STMN1: variants seen among roughly 807,000 people sequenced by gnomAD.
STMN1 encodes stathmin.
A neutral mutation model predicts 19.7 loss-of-function variants in STMN1; 3 were observed. The observed-to-expected ratio is 0.15, with a 90% CI of 0.07 to 0.39. The LOEUF (loss-of-function observed/expected upper bound fraction) is 0.39, where lower values mean the gene tolerates loss of function less well. STMN1 is among the 10% of genes least tolerant of loss of function. The pLI is 1.00. For missense variants in STMN1, 99 were observed against 176.0 expected (o/e 0.56, Z 2.48); for synonymous variants, 59 against 58.9 (o/e 1.00, Z -0.01).
chr1:25,895,871 A>G (rs1294678748), downstream of STMN1, among the ~76,000 whole-genome samples: 1 of 152,216 alleles, frequency 6.6e-6, no homozygotes, highest in African/African-American at 2.4e-5. Context: ...ATTTGCTTCT[A>G]GAAAATCGGG....
downstream of STMN1, among the ~76,000 whole-genome samples, chr1:25,896,636 C>A (rs1054477403): frequency 6.6e-6 from 1 of 152,192 alleles, no homozygotes; most frequent in South Asian, 2.1e-4. Context: ...TGAACCAGAG[C>A]CCTTCCATGA....
At chr1:25,905,094 G>T (rs1039579870) in intron 1 of STMN1, 3 of 181,060 alleles carry the variant, frequency 1.7e-5, no homozygotes, top group African/African-American at 2.4e-5. Flanking sequence ...CAGTGCCCCC[G>T]GAGCCATCTT....
intron 4 of STMN1, among the ~76,000 whole-genome samples, chr1:25,894,850 G>C (rs1436322993): frequency 2.0e-5 from 3 of 152,082 alleles, no homozygotes; most frequent in Non-Finnish European, 4.4e-5. Context: ...GGGATTACAG[G>C]TGTGTACCAC....
intron 3 of STMN1, chr1:25,903,366 T>A: frequency 2.9e-6 from 1 of 347,762 alleles, no homozygotes; most frequent in Non-Finnish European, 5.3e-6. Flanking sequence ...CACTTACTAG[T>A]TGTATGACTG....
At position 25,900,311 on chromosome 1, in the gene STMN1, AC is replaced by A; in HGVS notation, c.*704del. 3 of 985,896 alleles carry A rather than the reference AC, an allele frequency of 3.0e-6. No individual in the cohort carries two copies. The highest frequency in any genetic ancestry group is 3.6e-6 in the Non-Finnish European group (3 of 829,942). 61.1% of individuals were successfully genotyped at this position (985,896 alleles called of 1,614,324 possible). ...ATCTGCCTTTTAAAAGGGACACAGA[AC>A]AAAAAATGGTTGTTTGCAAATAAAC... On this transcript the variant is annotated 3_prime_UTR_variant, in exon 5 of 5. Transcript: ENST00000455785.
At chr1:25,897,317 AAAAAAAAAAG>A (rs1384868465), downstream of STMN1, among the ~76,000 whole-genome samples, 1 of 139,034 alleles carries the variant, frequency 7.2e-6, no homozygotes, top group African/African-American at 2.5e-5. Flanking sequence ...TCTCGAAAAA[AAAAAAAAAAG>A]AAAAGAAAAA....
At chr1:25,888,140 T>C (rs1470067271) in intron 4 of STMN1, among the ~76,000 whole-genome samples, 2 of 152,118 alleles carry the variant, frequency 1.3e-5, no homozygotes, top group Non-Finnish European at 2.9e-5. Context: ...TCCTATAACA[T>C]GGGGATAATC....
At position 25,900,612 on chromosome 1, in the gene STMN1, C is replaced by A; in HGVS notation, c.*404G>T. 2.0e-6 allele frequency: 2 copies of A among 991,522 alleles called. No individual in the cohort carries two copies. The highest frequency in any genetic ancestry group is 9.2e-5 in the South Asian group (2 of 21,658). The allele number at this position is 991,522 out of a possible 1,614,324, so 61.4% of individuals were successfully genotyped here. ...ATTAACCATTCAAGTCCAGTAGCAT[C>A]TGGTAAGATTGGGACAGAATTGGGA... On this transcript the variant is annotated 3_prime_UTR_variant, in exon 5 of 5. Transcript: ENST00000455785.
intron 3 of STMN1, chr1:25,903,426 G>C: frequency 1.9e-6 from 1 of 534,684 alleles, no homozygotes; most frequent in South Asian, 2.4e-5. Context: ...TCCATTATTT[G>C]AGGCAACACC....
At chr1:25,904,917 C>A in intron 1 of STMN1, 179 bp from the exon 2 acceptor site, 1 of 439,770 alleles carries the variant, frequency 2.3e-6, no homozygotes, top group South Asian at 4.8e-5. Flanking sequence ...GGAAATATGA[C>A]CTGAATATGA....
exon 5 of STMN1, chr1:25,885,723 C>G: frequency 1.3e-6 from 2 of 1,550,194 alleles, no homozygotes; most frequent in South Asian, 2.4e-5. Flanking sequence ...TATTAAGTAC[C>G]TAGTGATGGT....
At chr1:25,887,411 C>T in intron 4 of STMN1, 2 of 349,138 alleles carry the variant, frequency 5.7e-6, no homozygotes, top group Non-Finnish European at 5.6e-6. Context: ...AACAGGAAAG[C>T]CGGTGATGCT....
Position 25,900,722 on chromosome 1 carries a change from A to C in STMN1, c.*294T>G. Reference sequence around the variant, plus strand: ...TTCACAAATATGTTTTCACAGAGCCAATACAGTACTAGCCATTAACCCAGT... The same window carrying C: ...TTCACAAATATGTTTTCACAGAGCCCATACAGTACTAGCCATTAACCCAGT... On this transcript the variant is annotated 3_prime_UTR_variant, in exon 5 of 5. Coordinates refer to ENST00000455785, the MANE Select transcript of STMN1 (RefSeq NM_005563.4). 8.7e-7 allele frequency: 1 copy of C among 1,155,590 alleles called. No homozygotes were observed. Among genetic ancestry groups the C allele is most frequent in the Non-Finnish European group, 1.1e-6 (1 of 938,370 alleles). The allele number at this position is 1,155,590 out of a possible 1,614,324, so 71.6% of individuals were successfully genotyped here.
At position 25,900,158 on chromosome 1, in the gene STMN1, C is replaced by T. The variant is rs950654036; in HGVS notation, c.*858G>A. On this transcript the variant is annotated 3_prime_UTR_variant, in exon 5 of 5. Coordinates refer to ENST00000455785, the MANE Select transcript of STMN1 (RefSeq NM_005563.4). ...AAAGTTTTATTAATATTCTGATTCT[C>T]GTGTCATAGCTTTTATGGCAGGAAA... is the stretch of plus-strand genomic sequence containing the variant. 13 of 985,686 alleles carry T rather than the reference C, an allele frequency of 1.3e-5. No individual in the cohort carries two copies. Among genetic ancestry groups the T allele is most frequent in the African/African-American group, 8.7e-5 (5 of 57,208 alleles). The allele number at this position is 985,686 out of a possible 1,614,324, so 61.1% of individuals were successfully genotyped here.
chr1:25,889,726 C>A (rs564837868), intron 4 of STMN1, among the ~76,000 whole-genome samples: 1 of 152,178 alleles, frequency 6.6e-6, no homozygotes, highest in Non-Finnish European at 1.5e-5. Context: ...ATCACTCCCC[C>A]CTTAAAGCCC....
downstream of STMN1, among the ~76,000 whole-genome samples, chr1:25,897,601 G>A (rs1572298955): frequency 1.3e-5 from 2 of 152,220 alleles, no homozygotes. Flanking sequence ...AAGGAGGTGG[G>A]AACGGCTGAA....
intron 4 of STMN1, chr1:25,887,270 G>A (rs1208294349): frequency 6.3e-6 from 1 of 159,440 alleles, no homozygotes; most frequent in Non-Finnish European, 1.4e-5. Flanking sequence ...GGGAAATCAG[G>A]AAGTGGTTTG....
chr1:25,901,723 A>T, intron 3 of STMN1, 41 bp from the exon 4 acceptor site: 1 of 1,567,018 alleles, frequency 6.4e-7, no homozygotes, highest in South Asian at 1.2e-5. Context: ...TCTAAAATGT[A>T]TTCAGGCTGG....
In STMN1 at chr1:25,900,440, A is replaced by G; in HGVS notation, c.*576T>C. ...CACACTGGGGCAAGAAACGGGGCAG[A>G]GAACGTGCGGTCATTTGTGCGTTGG... On this transcript the variant is annotated 3_prime_UTR_variant, in exon 5 of 5. Transcript: ENST00000455785. The G allele has an allele frequency of 2.0e-6, 2 of 985,898 alleles. No homozygotes were observed. Among genetic ancestry groups the G allele is most frequent in the Non-Finnish European group, 2.4e-6 (2 of 829,980 alleles). The allele number at this position is 985,898 out of a possible 1,614,324, so 61.1% of individuals were successfully genotyped here.
Sources: gnomAD v4.1 joint callset for allele counts (sites outside exome capture counted in the v4.1 genomes callset) on GRCh38, gnomAD v4.1.1 for gene constraint, MANE v1.5 for transcripts, NCBI Gene and HGNC (gene_info 2026-07-23, HGNC 2026-07-21) for gene names.